NTRK2: variants seen among roughly 807,000 people sequenced by gnomAD.
The protein encoded by NTRK2 is neurotrophic receptor tyrosine kinase 2, also known as BDNF/NT-3 growth factors receptor.
A neutral mutation model predicts 94.5 loss-of-function variants in NTRK2; 13 were observed. That is an observed-to-expected ratio of 0.14 (90% confidence interval 0.09 to 0.22). The LOEUF (loss-of-function observed/expected upper bound fraction) is 0.22, where lower values mean the gene tolerates loss of function less well. Ranked by LOEUF, NTRK2 falls within the 10% of genes least tolerant of loss-of-function variation. The probability of loss-of-function intolerance (pLI) is 1.00; values close to 1 mark genes in which losing one functional copy is unlikely to be tolerated. For synonymous variants in NTRK2, 372 were observed against 407.4 expected (o/e 0.91, Z 1.05); for missense variants, 639 against 1,071.2 (o/e 0.60, Z 5.63).
chr9:85,013,717 AG>A (rs924143664), intron 17 of NTRK2, among the ~76,000 whole-genome samples: 1 of 152,256 alleles, frequency 6.6e-6, no homozygotes, highest in African/African-American at 2.4e-5. Flanking sequence ...AATGGAGCGT[AG>A]GGTGTGATGA....
chr9:84,782,374 C>A (rs1386597170), intron 12 of NTRK2, among the ~76,000 whole-genome samples: 1 of 152,138 alleles, frequency 6.6e-6, no homozygotes, highest in African/African-American at 2.4e-5. Context: ...GAGGCTGTAT[C>A]CCCTCTATAG....
At chr9:84,769,989 C>T (rs1004251382) in intron 12 of NTRK2, among the ~76,000 whole-genome samples, 3 of 152,100 alleles carry the variant, frequency 2.0e-5, no homozygotes, top group African/African-American at 4.8e-5. Flanking sequence ...TTGCAACTGT[C>T]GTCAGTGCTC....
intron 14 of NTRK2, among the ~76,000 whole-genome samples, chr9:84,902,586 C>A (rs140344655): frequency 1.1e-4 from 16 of 152,230 alleles, no homozygotes; most frequent in African/African-American, 3.6e-4. Flanking sequence ...GTAAATAAAT[C>A]TTTAAGTTAC....
intron 12 of NTRK2, among the ~76,000 whole-genome samples, chr9:84,773,644 G>T (rs958889574): frequency 6.6e-6 from 1 of 151,972 alleles, no homozygotes; most frequent in Non-Finnish European, 1.5e-5. Flanking sequence ...TCTGAAGTTC[G>T]CTGTAGGAAA....
chr9:84,733,078 A>G (rs1422995100), intron 9 of NTRK2, among the ~76,000 whole-genome samples: 2 of 152,172 alleles, frequency 1.3e-5, no homozygotes, highest in African/African-American at 4.8e-5. Context: ...CCATGGCTGC[A>G]GGTTTCTTTC....
At chr9:84,739,212 C>T (rs1012896342) in intron 9 of NTRK2, among the ~76,000 whole-genome samples, 1 of 151,850 alleles carries the variant, frequency 6.6e-6, no homozygotes, top group African/African-American at 2.4e-5. Flanking sequence ...CACCATGCCT[C>T]GCTAATTTTT....
chr9:84,750,390 T>G (rs1006902975), intron 11 of NTRK2, among the ~76,000 whole-genome samples: 2 of 152,172 alleles, frequency 1.3e-5, no homozygotes, highest in Non-Finnish European at 2.9e-5. Context: ...AGCCAGGAAA[T>G]GTATCCTACA....
rs949686117 is a variant in NTRK2, at chr9:85,025,832, A to T, written c.*4395A>T. ...AGTTAGTAGTTACAGCTGATTTTTT[A>T]TGATGCATAATTGGAATGTGGAGCC... On this transcript the variant is annotated 3_prime_UTR_variant, in exon 19 of 19. Transcript: ENST00000277120. 1 of 231,378 alleles carries T rather than the reference A, an allele frequency of 4.3e-6. No individual in the cohort carries two copies. The highest frequency in any genetic ancestry group is 1.3e-3 in the Middle Eastern group (1 of 776). The allele number at this position is 231,378 out of a possible 1,614,324, so 14.3% of individuals were successfully genotyped here.
chr9:84,930,662 G>T (rs2077993330), intron 14 of NTRK2, among the ~76,000 whole-genome samples: 1 of 152,182 alleles, frequency 6.6e-6, no homozygotes, highest in Non-Finnish European at 1.5e-5. Flanking sequence ...GGAGTCACAG[G>T]CAGTGAGCTC....
chr9:84,796,455 T>C (rs2069339034), intron 12 of NTRK2, among the ~76,000 whole-genome samples: 1 of 152,078 alleles, frequency 6.6e-6, no homozygotes, highest in African/African-American at 2.4e-5. Flanking sequence ...TGGGAAAAAG[T>C]ATATTGGATC....
At chr9:84,705,619 T>G (rs1467131313) in intron 4 of NTRK2, among the ~76,000 whole-genome samples, 1 of 152,124 alleles carries the variant, frequency 6.6e-6, no homozygotes, top group African/African-American at 2.4e-5. Context: ...CTTTGCTGCC[T>G]CTCTCTGCCT....
intron 9 of NTRK2, among the ~76,000 whole-genome samples, chr9:84,732,604 A>C (rs969162592): frequency 6.6e-6 from 1 of 152,184 alleles, no homozygotes; most frequent in African/African-American, 2.4e-5. Context: ...CCTGAGCTAG[A>C]AATGAAAACT....
At chr9:84,779,847 T>C (rs2067394457) in intron 12 of NTRK2, among the ~76,000 whole-genome samples, 1 of 152,224 alleles carries the variant, frequency 6.6e-6, no homozygotes, top group African/African-American at 2.4e-5. Context: ...ACTTTCTCTC[T>C]GGAGAAGCCT....
intron 14 of NTRK2, among the ~76,000 whole-genome samples, chr9:84,931,732 A>C (rs1017189872): frequency 1.3e-5 from 2 of 150,332 alleles, no homozygotes; most frequent in Non-Finnish European, 3.0e-5. Flanking sequence ...AAAAAAAAAC[A>C]AAAAAAACCA....
At chr9:84,825,530 C>G (rs953975880) in intron 12 of NTRK2, among the ~76,000 whole-genome samples, 2 of 152,152 alleles carry the variant, frequency 1.3e-5, no homozygotes, top group Non-Finnish European at 2.9e-5. Flanking sequence ...ACTTAACTCT[C>G]CAAGTCTTAG....
rs377079436 is a variant in NTRK2 at position 84,814,143 on chromosome 9, G to C, written c.1397-46897G>C. ...CCACTAGGTTTTCTTTCCAGAAATA[G>C]GTAGCAAGGACAAGAACTAAACAAT... On this transcript the variant is annotated intron_variant, in intron 12 of 18. Transcript: ENST00000277120. The C allele has an allele frequency of 7.5e-6, 8 of 1,065,494 alleles. No individual in the cohort carries two copies. In the East Asian group the frequency reaches 3.0e-4, roughly 40 times the overall value. 66.0% of individuals were successfully genotyped at this position (1,065,494 alleles called of 1,614,324 possible).
At chr9:84,968,646 T>A (rs961309789) in intron 17 of NTRK2, among the ~76,000 whole-genome samples, 2 of 152,206 alleles carry the variant, frequency 1.3e-5, no homozygotes, top group African/African-American at 4.8e-5. Flanking sequence ...ATGTGTACAG[T>A]GTGTGGCTTT....
rs542781528 is a variant in NTRK2, at chr9:84,688,691, A to C, written c.213-13468A>C. 2.0e-5 allele frequency among the ~76,000 whole-genome samples: 3 copies of C among 152,310 alleles called. No individual in the cohort carries two copies. The East Asian group carries it at 5.8e-4, about 29-fold the overall frequency. ...AAATGTAATGTTTCAAGAATCAGCT[A>C]ATTGTGGCTAAATACTATTATTTTT... is the stretch of plus-strand genomic sequence containing the variant. On this transcript the variant is annotated intron_variant, in intron 2 of 18. Transcript: ENST00000277120.
chr9:84,916,837 C>G (rs923381598), intron 14 of NTRK2, among the ~76,000 whole-genome samples: 1 of 152,154 alleles, frequency 6.6e-6, no homozygotes, highest in African/African-American at 2.4e-5. Flanking sequence ...AGCCTGCTTA[C>G]AAGTTGAATT....
Sources: allele counts gnomAD v4.1 joint callset (sites outside exome capture counted in the v4.1 genomes callset), GRCh38; gene constraint gnomAD v4.1.1; transcripts MANE v1.5; gene names NCBI Gene and HGNC (gene_info 2026-07-23, HGNC 2026-07-21).